Variants in BEND2 observed in about 807,000 individuals in gnomAD.
The protein encoded by BEND2 is BEN domain containing 2, also known as BEN domain-containing protein 2.
A neutral mutation model predicts 43.8 loss-of-function variants in BEND2; 19 were observed. That is an observed-to-expected ratio of 0.43 (90% CI 0.30 to 0.64). The LOEUF is 0.64. Among genes scored for constraint, BEND2 ranks in the 30% least tolerant of loss-of-function variants. The pLI is 0.11. For missense variants in BEND2, 544 were observed against 574.0 expected, an observed-to-expected ratio of 0.95 and a Z score of 0.53; for synonymous variants, 226 against 210.1, an observed-to-expected ratio of 1.08 and a Z score of -0.66.
chrX:18,213,786 G>A lies in BEND2; in HGVS notation c.364C>T (p.Pro122Ser). ...LPSSWDDRRT[P>S]PCPVAHGDQI... Reference sequence around the variant, plus strand: ...TAAAAATAAATACCTGGGCATGGTGGCGTGCGCCTGTCATCCCAGCTACTG... The same window carrying A: ...TAAAAATAAATACCTGGGCATGGTGACGTGCGCCTGTCATCCCAGCTACTG... The change falls in exon 3 of 14, where the codon CCA becomes TCA. Residue 122 changes from proline to serine, a missense_variant. Physicochemically the swap from Pro to Ser is moderately conservative, Grantham distance 74 (BLOSUM62 -1). Coordinates refer to ENST00000380033, the MANE Select transcript of BEND2 (RefSeq NM_153346.5). The A allele has an allele frequency of 5.9e-6, 1 of 168,337 alleles. No individual in the cohort carries two copies. The highest frequency in any genetic ancestry group is 8.9e-5 in the South Asian group (1 of 11,284). The allele number at this position is 168,337 out of a possible 1,213,427, so 13.9% of individuals were successfully genotyped here. A position where few individuals can be genotyped will look rare whatever the true frequency, so the allele number is the denominator to read the frequency against.
Position 18,190,983 on chromosome X carries a change from A to G in BEND2, c.1288+18T>C, listed in dbSNP as rs1428429664. 2 of 1,166,316 alleles carry G rather than the reference A, an allele frequency of 1.7e-6. No individual in the cohort carries two copies. The highest frequency in any genetic ancestry group is 2.3e-6 in the Non-Finnish European group (2 of 857,851). On this transcript the variant is annotated intron_variant, in intron 8 of 13. Coordinates refer to ENST00000380033, the MANE Select transcript of BEND2 (RefSeq NM_153346.5). ...GATTAAAGAGTGCTACTTGTAACAT[A>G]TATCATTTCAAACTCACCAAAATCG...
rs1208827392 is a variant in BEND2, at chrX:18,186,992, GAC to G, written c.1288+4007_1288+4008del. Among the ~76,000 whole-genome samples the G allele has an allele frequency of 5.6e-5, 6 of 106,707 alleles. No individual in the cohort carries two copies. The South Asian group carries it at 2.1e-3, about 37-fold the overall frequency. 92.7% of individuals were successfully genotyped at this position (106,707 alleles called of 115,157 possible). The stretch of plus-strand genomic sequence containing the variant: ...GAAAAAAAAAAAAAAAGATACGATG[GAC>G]ACACACACACAAAAACAAGAAATTA... On this transcript the variant is annotated intron_variant, in intron 8 of 13. Coordinates refer to ENST00000380033, the MANE Select transcript of BEND2 (RefSeq NM_153346.5).
chrX:18,202,933 A>G (rs1925212610), intron 5 of BEND2, among the ~76,000 whole-genome samples: 1 of 111,912 alleles, frequency 8.9e-6, no homozygotes, highest in Non-Finnish European at 1.9e-5. Flanking sequence ...TATACCATGG[A>G]ATAGTACTTG....
In BEND2 at chrX:18,184,557, C is replaced by A. The variant is rs745484572; in HGVS notation, c.1289-3907G>T. Among the ~76,000 whole-genome samples the A allele has an allele frequency of 8.0e-5, 9 of 111,827 alleles. No homozygotes were observed. The South Asian group carries it at 2.3e-3, about 28-fold the overall frequency. ...CTTAACCTAGATCACCAAGGCGGCACCTCTACAAGTCTTCAAGAGCCACTG... is the reference window on the plus strand; with the variant it reads ...CTTAACCTAGATCACCAAGGCGGCAACTCTACAAGTCTTCAAGAGCCACTG... On this transcript the variant is annotated intron_variant, in intron 8 of 13. Transcript: ENST00000380033.
At position 18,176,047 on chromosome X, in the gene BEND2, T is replaced by A; in HGVS notation, c.1677A>T (p.Gly559=). The change falls in exon 11 of 14, where the codon GGA becomes GGT. Residue 559 remains glycine, a synonymous_variant. Coordinates refer to ENST00000380033, the MANE Select transcript of BEND2 (RefSeq NM_153346.5). ...CAGAAATACAGTCCTGCCAGTCTTTTCCATGTTCATGCAAATCACAGGTGG... is the reference window on the plus strand; with the variant it reads ...CAGAAATACAGTCCTGCCAGTCTTTACCATGTTCATGCAAATCACAGGTGG... ...TFPTCDLHEH[G]KDWQDCISGI... 1 of 1,203,164 alleles carries A rather than the reference T, an allele frequency of 8.3e-7. No homozygotes were observed.
At chrX:18,166,429 A>G (rs1043850066) in intron 13 of BEND2, among the ~76,000 whole-genome samples, 5 of 111,866 alleles carry the variant, frequency 4.5e-5, no homozygotes, top group Non-Finnish European at 7.5e-5. Flanking sequence ...GATTGCACAC[A>G]AGCATATTCA....
rs1319672552 is a variant in BEND2 at position 18,176,068 on chromosome X, G to A, written c.1656C>T (p.Thr552=). 8.4e-7 allele frequency: 1 copy of A among 1,195,560 alleles called. No individual in the cohort carries two copies. Residue 552 remains threonine (T), a synonymous_variant, in exon 11 of 14, where the codon ACC becomes ACT. Transcript: ENST00000380033. ...LREYLATTFP[T]CDLHEHGKDW... is the part of the protein sequence containing the mutation. ...CTTTTCCATGTTCATGCAAATCACA[G>A]GTGGGAAAAGTTGTTGCCAGATATT... is the stretch of plus-strand genomic sequence containing the variant.
chrX:18,167,541 T>C (rs1923855557), intron 13 of BEND2, among the ~76,000 whole-genome samples: 1 of 111,078 alleles, frequency 9.0e-6, no homozygotes, highest in Non-Finnish European at 1.9e-5. Flanking sequence ...CTAGAGGTCT[T>C]AGTTGACCAT....
rs184257407 is a variant in BEND2, at chrX:18,164,830, G to A, written c.*179C>T. The A allele has an allele frequency of 4.2e-3, 1,851 of 443,121 alleles. 3 individuals carry two copies. Among genetic ancestry groups the A allele is most frequent in the Non-Finnish European group, 6.0e-3 (1,622 of 268,582 alleles). The allele number at this position is 443,121 out of a possible 1,213,427, so 36.5% of individuals were successfully genotyped here. A position where few individuals can be genotyped will look rare whatever the true frequency, so the allele number is the denominator to read the frequency against. On this transcript the variant is annotated 3_prime_UTR_variant, in exon 14 of 14. Transcript: ENST00000380033. ...ATCAAATCCACAGATGAAACATTAC[G>A]TATCTTCCTAATGTGATTCTACCTC...
At chrX:18,165,639 G>A (rs1189463839) in intron 13 of BEND2, among the ~76,000 whole-genome samples, 2 of 112,239 alleles carry the variant, frequency 1.8e-5, no homozygotes, top group Non-Finnish European at 3.8e-5. Flanking sequence ...GGAAGAAGCT[G>A]TAACTGCTAA....
chrX:18,183,566 G>A lies in BEND2; in HGVS notation c.1289-2916C>T, dbSNP rs189275482. 1.8e-3 allele frequency among the ~76,000 whole-genome samples: 207 copies of A among 112,325 alleles called. 1 individual carries two copies. The highest frequency in any genetic ancestry group is 6.6e-3 in the African/African-American group (205 of 30,980). ...TCCCAGCTTGGCCACAGTGGGGTAG[G>A]GTACAAAGTGGGCTCTTGGGGTCCC... On this transcript the variant is annotated intron_variant, in intron 8 of 13. Coordinates refer to ENST00000380033, the MANE Select transcript of BEND2 (RefSeq NM_153346.5).
intron 4 of BEND2, among the ~76,000 whole-genome samples, chrX:18,204,405 A>C (rs1388284256): frequency 8.9e-6 from 1 of 112,136 alleles, no homozygotes; most frequent in Admixed American, 9.5e-5. Flanking sequence ...AGTTGTAAAA[A>C]TGTTTTTGTA....
At chrX:18,195,192 T>A in intron 7 of BEND2, 104 bp downstream of exon 7, 1 of 966,800 alleles carries the variant, frequency 1.0e-6, no homozygotes, top group African/African-American at 2.0e-5. Flanking sequence ...TACCTCAATA[T>A]GAAAAGTTTA....
chrX:18,219,994 A>C (rs1486239222), intron 1 of BEND2, among the ~76,000 whole-genome samples: 1 of 111,603 alleles, frequency 9.0e-6, no homozygotes, highest in Non-Finnish European at 1.9e-5. Context: ...GTCATTCCTC[A>C]TTCCTCGCCC....
intron 11 of BEND2, among the ~76,000 whole-genome samples, chrX:18,174,896 G>A (rs773499846): frequency 2.7e-4 from 30 of 111,097 alleles, no homozygotes; most frequent in Non-Finnish European, 4.7e-4. Flanking sequence ...TTGCTAAAAT[G>A]CAAATTTTGC....
intron 8 of BEND2, among the ~76,000 whole-genome samples, chrX:18,183,078 C>CAGAACATCAGCAAGGACAGAGA (rs2147401520): frequency 1.0e-5 from 1 of 98,114 alleles, no homozygotes; most frequent in Admixed American, 1.1e-4. Context: ...AACAACCAGA[C>CAGAACATCAGCAAGGACAGAGA]AGAACATCAG....
In BEND2 at chrX:18,203,984, G is replaced by A. The variant is rs759662396; in HGVS notation, c.493-69C>T. ...GGTTCCTAGACTTCAATTTCTCCAT[G>A]AGACATACAATCAAAACTTTTTTGT... On this transcript the variant is annotated intron_variant, in intron 4 of 13. Transcript: ENST00000380033. The A allele has an allele frequency of 1.5e-4, 147 of 1,003,684 alleles. No homozygotes were observed. The African/African-American group carries it at 2.3e-3, about 15-fold the overall frequency. 82.7% of individuals were successfully genotyped at this position (1,003,684 alleles called of 1,213,427 possible).
In BEND2 at chrX:18,209,136, T is replaced by TTATAATCCAG. The variant is rs1313997304; in HGVS notation, c.492+3428_492+3429insCTGGATTATA. ...ATGAAGAAATAATTACAATACTGGA[T>TTATAATCCAG]TATAACTCATACAATGCAATAAATG... On this transcript the variant is annotated intron_variant, in intron 4 of 13. Coordinates refer to ENST00000380033, the MANE Select transcript of BEND2 (RefSeq NM_153346.5). Among the ~76,000 whole-genome samples, 3 of 111,988 alleles carry TTATAATCCAG rather than the reference T, an allele frequency of 2.7e-5. No homozygotes were observed. The East Asian group carries it at 8.4e-4, about 31-fold the overall frequency.
intron 10 of BEND2, 137 bp from the exon 11 acceptor site, chrX:18,176,230 T>C: frequency 2.1e-6 from 1 of 467,562 alleles, no homozygotes; most frequent in Middle Eastern, 6.7e-4. Context: ...CTTCTCTTTC[T>C]ACTTCTCATC....
Sources: allele counts gnomAD v4.1 joint callset (sites outside exome capture counted in the v4.1 genomes callset), GRCh38; gene constraint gnomAD v4.1.1; transcripts MANE v1.5; gene names NCBI Gene and HGNC (gene_info 2026-07-23, HGNC 2026-07-21).